Variants in WIZ observed in about 807,000 individuals in gnomAD.
WIZ encodes the protein protein Wiz.
Under a neutral mutation model 140.2 loss-of-function variants are expected in WIZ, and 25 were observed. The observed-to-expected ratio is 0.18, with a 90% confidence interval of 0.13 to 0.25. The LOEUF is 0.25. WIZ is among the 10% of genes least tolerant of loss of function. The pLI is 1.00. For missense variants in WIZ, 2,231 were observed against 2,632.6 expected, an observed-to-expected ratio of 0.85 and a Z score of 3.34; for synonymous variants, 1,125 against 1,154.3, an observed-to-expected ratio of 0.97 and a Z score of 0.51.
In WIZ at chr19:15,439,253, A is replaced by G; in HGVS notation, c.1741T>C (p.Phe581Leu). The stretch of plus-strand genomic sequence containing the variant: ...GGGGTGGATGCTAGTGTGGAGGGAA[A>G]GGCCAGCCTTCCGAGAGGCCTCTGG... ...TGQRPLGRLA[F>L]PSTLASTPYS... The change falls in exon 4 of 13, where the codon TTT becomes CTT. Residue 581 changes from phenylalanine to leucine, a missense_variant. Around this residue, in one of 15 missense-constraint regions of WIZ, gnomAD observed 475 missense variants for 520.2 expected, o/e 0.91. Transcript: ENST00000673675. This position sits in a 1 kb window ranked among gnomAD's most constrained non-coding sequence, Gnocchi z 7.0. 6.5e-7 allele frequency: 1 copy of G among 1,535,012 alleles called. No homozygotes were observed. Among genetic ancestry groups the G allele is most frequent in the Non-Finnish European group, 8.7e-7 (1 of 1,146,250 alleles).
At position 15,440,881 on chromosome 19, in the gene WIZ, A is replaced by G. The variant is rs112888206; in HGVS notation, c.279-166T>C. Among the ~76,000 whole-genome samples the G allele has an allele frequency of 4.6e-3, 699 of 152,084 alleles. 4 individuals carry two copies. Among genetic ancestry groups the G allele is most frequent in the Middle Eastern group, 0.017 (5 of 294 alleles). On this transcript the variant is annotated intron_variant, in intron 3 of 12. Coordinates refer to ENST00000673675, the MANE Select transcript of WIZ (RefSeq NM_001371589.1). The surrounding 1 kb of genome is among the most constrained non-coding windows in gnomAD (Gnocchi z 6.2). ...TGGGAGGTAGGGGGAGTCCACGTGG[A>G]TCCTTCCGGACCTATCGGGTCAAAA...
Position 15,424,153 on chromosome 19 carries a change from G to T in WIZ, c.5510+30C>A. 6.8e-7 allele frequency: 1 copy of T among 1,468,638 alleles called. No homozygotes were observed. The highest frequency in any genetic ancestry group is 1.4e-5 in the South Asian group (1 of 69,826). 91.0% of individuals were successfully genotyped at this position (1,468,638 alleles called of 1,614,324 possible). A position where few individuals can be genotyped will look rare whatever the true frequency, so the allele number is the denominator to read the frequency against. On this transcript the variant is annotated intron_variant, in intron 12 of 12. Transcript: ENST00000673675. This position sits in a 1 kb window ranked among gnomAD's most constrained non-coding sequence, Gnocchi z 9.7. ...CGGGTGACCAAGGTCCACTCAGGTG[G>T]TCTCCCTCCCTCCCCCAGGGGCAGC...
Position 15,437,061 on chromosome 19 carries a change from G to T in WIZ, c.2485C>A (p.Arg829=). The T allele has an allele frequency of 1.2e-6, 2 of 1,613,194 alleles. No individual in the cohort carries two copies. Among genetic ancestry groups the T allele is most frequent in the Middle Eastern group, 1.7e-4 (1 of 6,052 alleles). ...CGGGCGTGGCTGGAGAGGCCGGCCC[G>T]TGTGTCGAAGCCAGCCCCGCAGAAG... ...CDFCGAGFDT[R]AGLSSHARAH... Residue 829 remains arginine (R), a synonymous_variant, in exon 5 of 13, where the codon CGG becomes AGG. Coordinates refer to ENST00000673675, the MANE Select transcript of WIZ (RefSeq NM_001371589.1).
chr19:15,446,030 G>T (rs987938890), intron 2 of WIZ, among the ~76,000 whole-genome samples: 10 of 152,144 alleles, frequency 6.6e-5, no homozygotes, highest in African/African-American at 2.2e-4. Context: ...GAGACGTGGT[G>T]TCCCAAACCC....
At chr19:15,433,955 T>C (rs1050888908) in intron 5 of WIZ, among the ~76,000 whole-genome samples, 1 of 151,950 alleles carries the variant, frequency 6.6e-6, no homozygotes, top group African/African-American at 2.4e-5. Context: ...CAGCTGCAAG[T>C]AGGAATAGTA....
chr19:15,447,184 G>A (rs1457419636), intron 2 of WIZ, among the ~76,000 whole-genome samples: 1 of 152,128 alleles, frequency 6.6e-6, no homozygotes, highest in Non-Finnish European at 1.5e-5. Context: ...GGTGGGGGGT[G>A]TGATACATCA....
In WIZ at chr19:15,429,851, G is replaced by T. The variant is rs752504330; in HGVS notation, c.3150C>A (p.Ala1050=). The T allele has an allele frequency of 5.9e-6, 9 of 1,530,224 alleles. No homozygotes were observed. Among genetic ancestry groups the T allele is most frequent in the Non-Finnish European group, 7.9e-6 (9 of 1,142,838 alleles). The allele number at this position is 1,530,224 out of a possible 1,614,324, so 94.8% of individuals were successfully genotyped here. The change falls in exon 7 of 13, where the codon GCC becomes GCA. Residue 1050 remains alanine, a synonymous_variant. Transcript: ENST00000673675. Reference sequence around the variant, plus strand: ...CCAGGCTGAGCAAGCCGGGCCGGGGGGCCCCGGCGACCACCTCCTTCAGTG... The same window carrying T: ...CCAGGCTGAGCAAGCCGGGCCGGGGTGCCCCGGCGACCACCTCCTTCAGTG... The part of the protein sequence containing the change: ...SSSLKEVVAG[A]PRPGLLSLAK...
rs1273660778 is a variant in WIZ at position 15,420,856 on chromosome 19, G to C, written c.*2220C>G. 1 of 152,208 alleles carries C rather than the reference G, an allele frequency of 6.6e-6. No individual in the cohort carries two copies. Among genetic ancestry groups the C allele is most frequent in the Admixed American group, 6.5e-5 (1 of 15,282 alleles). 9.4% of individuals were successfully genotyped at this position (152,208 alleles called of 1,614,324 possible). ...AACTGACTTACGGGCCGGGCATAGT[G>C]GCTCACGCCTGTAATCCCAGCACTT... On this transcript the variant is annotated 3_prime_UTR_variant, in exon 13 of 13. Transcript: ENST00000673675.
rs1969115687 is a variant in WIZ, at chr19:15,429,876, G to A, written c.3125C>T (p.Ser1042Leu). The A allele has an allele frequency of 6.5e-7, 1 of 1,535,424 alleles. No individual in the cohort carries two copies. The highest frequency in any genetic ancestry group is 1.4e-5 in the African/African-American group (1 of 73,156). ...LPPGLAKKSS[S>L]LKEVVAGAPR... ...GGCCCCGGCGACCACCTCCTTCAGT[G>A]AGCTGGACTTCTTAGCCAGGCCTGG... Residue 1042 changes from serine (S) to leucine (L), a missense_variant, in exon 7 of 13, where the codon TCA becomes TTA. Coordinates refer to ENST00000673675, the MANE Select transcript of WIZ (RefSeq NM_001371589.1).
At position 15,442,349 on chromosome 19, in the gene WIZ, G is replaced by C. The variant is rs1172426501; in HGVS notation, c.278+327C>G. On this transcript the variant is annotated intron_variant, in intron 3 of 12. Coordinates refer to ENST00000673675, the MANE Select transcript of WIZ (RefSeq NM_001371589.1). This position sits in a 1 kb window ranked among gnomAD's most constrained non-coding sequence, Gnocchi z 5.5. ...ATCTTATGGACTCCATTTTGCAGAT[G>C]AGAAAACTGAGGCCCAGAGAGGCCT... Among the ~76,000 whole-genome samples the C allele has an allele frequency of 6.6e-6, 1 of 152,168 alleles. No homozygotes were observed. The highest frequency in any genetic ancestry group is 2.4e-5 in the African/African-American group (1 of 41,436).
At chr19:15,435,437 T>G (rs925135438) in intron 5 of WIZ, among the ~76,000 whole-genome samples, 2 of 152,090 alleles carry the variant, frequency 1.3e-5, no homozygotes, top group Non-Finnish European at 2.9e-5. Flanking sequence ...AGACCCCGTC[T>G]CAAAAAAATA....
At chr19:15,435,140 C>T (rs961356965) in intron 5 of WIZ, among the ~76,000 whole-genome samples, 1 of 152,068 alleles carries the variant, frequency 6.6e-6, no homozygotes, top group African/African-American at 2.4e-5. Flanking sequence ...ATCGCTTGAA[C>T]CTGGGCAGCG....
At chr19:15,433,904 G>A (rs933747919) in intron 5 of WIZ, among the ~76,000 whole-genome samples, 1 of 152,214 alleles carries the variant, frequency 6.6e-6, no homozygotes. Context: ...TTGTGAGTGG[G>A]TCTGACTGAG....
intron 6 of WIZ, 36 bp downstream of exon 6, chr19:15,430,976 G>A (rs1385605094): frequency 1.3e-6 from 2 of 1,494,110 alleles, no homozygotes; most frequent in East Asian, 2.5e-5. Flanking sequence ...AACCAGCCTG[G>A]CCAGCATCCC....
intron 1 of WIZ, among the ~76,000 whole-genome samples, chr19:15,448,923 CT>C (rs1249479496): frequency 1.3e-5 from 2 of 152,058 alleles, no homozygotes; most frequent in African/African-American, 4.8e-5. Context: ...CACACAGGAC[CT>C]TAGGGTTCTC....
chr19:15,427,322 C>T lies in WIZ; in HGVS notation c.4026G>A (p.Gly1342=). ...SRPGGPPNPP[G]PSPKALAKMM... ...TCTTGGCCAGGGCTTTTGGGCTTGGCCCTGGTGGGTTGGGAGGTCCACCAG... is the reference window on the plus strand; with the variant it reads ...TCTTGGCCAGGGCTTTTGGGCTTGGTCCTGGTGGGTTGGGAGGTCCACCAG... Residue 1342 remains glycine (G), a synonymous_variant, in exon 9 of 13, where the codon GGG becomes GGA. Transcript: ENST00000673675. The surrounding 1 kb of genome is among the most constrained non-coding windows in gnomAD (Gnocchi z 6.4). 1.2e-6 allele frequency: 2 copies of T among 1,613,628 alleles called. No homozygotes were observed. Among genetic ancestry groups the T allele is most frequent in the South Asian group, 1.1e-5 (1 of 91,060 alleles).
Position 15,440,818 on chromosome 19 carries a change from G to T in WIZ, c.279-103C>A. On this transcript the variant is annotated intron_variant, in intron 3 of 12. Transcript: ENST00000673675. This position sits in a 1 kb window ranked among gnomAD's most constrained non-coding sequence, Gnocchi z 6.2. ...CAGGCCGTTTGAAGCAGGCCCCGGA[G>T]ATCCAGCCCGAGGGTGACAGGGGTG... 8.8e-7 allele frequency: 1 copy of T among 1,133,972 alleles called. No homozygotes were observed. Among genetic ancestry groups the T allele is most frequent in the Non-Finnish European group, 1.2e-6 (1 of 837,190 alleles). 70.2% of individuals were successfully genotyped at this position (1,133,972 alleles called of 1,614,324 possible). A position where few individuals can be genotyped will look rare whatever the true frequency, so the allele number is the denominator to read the frequency against.
chr19:15,421,172 C>A lies in WIZ; in HGVS notation c.*1904G>T, dbSNP rs1480214995. 6.6e-6 allele frequency: 1 copy of A among 152,242 alleles called. No individual in the cohort carries two copies. The highest frequency in any genetic ancestry group is 1.5e-5 in the Non-Finnish European group (1 of 68,054). The allele number at this position is 152,242 out of a possible 1,614,324, so 9.4% of individuals were successfully genotyped here. On this transcript the variant is annotated 3_prime_UTR_variant, in exon 13 of 13. Transcript: ENST00000673675. The stretch of plus-strand genomic sequence containing the variant: ...TATGAAAAGTTGAAAGAGGAAGAAA[C>A]ACCTTTGAGTCAGCTCACAAGATGC...
intron 5 of WIZ, among the ~76,000 whole-genome samples, chr19:15,435,132 C>T (rs986844777): frequency 1.3e-5 from 2 of 151,908 alleles, no homozygotes; most frequent in African/African-American, 2.4e-5. Flanking sequence ...GCAGGAGAAT[C>T]GCTTGAACCT....
Sources: allele counts gnomAD v4.1 joint callset (sites outside exome capture counted in the v4.1 genomes callset), GRCh38; gene constraint gnomAD v4.1.1; regional missense constraint gnomAD v4.1.1; non-coding constraint Gnocchi (gnomAD v3.1); transcripts MANE v1.5; gene names NCBI Gene and HGNC (gene_info 2026-07-23, HGNC 2026-07-21).